CUL2: variants seen among roughly 807,000 people sequenced by gnomAD.
CUL2 encodes the protein cullin 2, also known as cullin-2.
A neutral mutation model predicts 110.2 loss-of-function variants in CUL2; 22 were observed. That is an observed-to-expected ratio of 0.20 (90% confidence interval 0.14 to 0.28). The LOEUF (loss-of-function observed/expected upper bound fraction) is 0.28, where lower values mean the gene tolerates loss of function less well. Among genes scored for constraint, CUL2 ranks in the 10% least tolerant of loss-of-function variants. The pLI is 1.00. For missense variants in CUL2, 631 were observed against 905.5 expected (o/e 0.70, Z 3.89); for synonymous variants, 279 against 293.2 (o/e 0.95, Z 0.49).
intron 2 of CUL2, among the ~76,000 whole-genome samples, chr10:35,069,801 C>T (rs2086634540): frequency 6.6e-6 from 1 of 152,108 alleles, no homozygotes. Context: ...ACTCCTCTTC[C>T]CTCTCTGCTC....
chr10:35,063,949 G>C (rs1246663179), intron 2 of CUL2: 1 of 152,100 alleles, frequency 6.6e-6, no homozygotes, highest in Non-Finnish European at 1.5e-5. Context: ...ACTGTGACAA[G>C]GCATTTTGGA....
chr10:35,103,767 A>G (rs916136759), intron 1 of CUL2, among the ~76,000 whole-genome samples: 1 of 152,100 alleles, frequency 6.6e-6, no homozygotes, highest in Non-Finnish European at 1.5e-5. Context: ...GCTGCTCAAA[A>G]TGTTTTCACC....
chr10:35,043,899 C>A (rs1463833444), intron 8 of CUL2, among the ~76,000 whole-genome samples: 2 of 151,746 alleles, frequency 1.3e-5, no homozygotes, highest in Non-Finnish European at 2.9e-5. Flanking sequence ...AAGACCCCAT[C>A]TCTATAACAA....
At chr10:35,018,993 A>G (rs2085118388) in intron 17 of CUL2, among the ~76,000 whole-genome samples, 1 of 152,224 alleles carries the variant, frequency 6.6e-6, no homozygotes, top group Non-Finnish European at 1.5e-5. Flanking sequence ...TCAATATCCA[A>G]TTCATAGAAA....
intron 10 of CUL2, 91 bp from the exon 11 acceptor site, chr10:35,033,364 C>T (rs567928236): frequency 4.7e-6 from 4 of 848,852 alleles, no homozygotes; most frequent in Non-Finnish European, 7.5e-6. Context: ...GTAAATTTTT[C>T]CTCAAGGAAA....
At chr10:35,085,469 G>A (rs2087038863) in intron 1 of CUL2, among the ~76,000 whole-genome samples, 1 of 151,746 alleles carries the variant, frequency 6.6e-6, no homozygotes, top group African/African-American at 2.4e-5. Flanking sequence ...AGGGCCAGGC[G>A]CGGTGTGGCT....
At chr10:35,118,781 GCT>G (rs2087638122) in intron 1 of CUL2, 1 of 152,232 alleles carries the variant, frequency 6.6e-6, no homozygotes, top group Non-Finnish European at 1.5e-5. Context: ...GGTTTGTGCT[GCT>G]CCACAAGAGT....
chr10:35,110,952 G>A (rs2087516933), intron 1 of CUL2, among the ~76,000 whole-genome samples: 2 of 152,318 alleles, frequency 1.3e-5, no homozygotes, highest in African/African-American at 4.8e-5. Context: ...CAGAAGTCAA[G>A]AATGGAAGTA....
At chr10:35,091,731 C>T (rs1252703105), upstream of CUL2, among the ~76,000 whole-genome samples, 1 of 152,122 alleles carries the variant, frequency 6.6e-6, no homozygotes, top group Non-Finnish European at 1.5e-5. Flanking sequence ...AGTGATTCTC[C>T]TGTCTCAGCT....
chr10:35,051,642 T>C (rs1000141789), intron 5 of CUL2, among the ~76,000 whole-genome samples: 1 of 152,118 alleles, frequency 6.6e-6, no homozygotes, highest in African/African-American at 2.4e-5. Context: ...AAAAATAGTG[T>C]CTCCTTGTGG....
chr10:35,049,256 T>C lies in CUL2; in HGVS notation c.506+427A>G, dbSNP rs140231917. Among the ~76,000 whole-genome samples, 3 of 152,270 alleles carry C rather than the reference T, an allele frequency of 2.0e-5. No homozygotes were observed. In the East Asian group the frequency reaches 5.8e-4, roughly 29 times the overall value. On this transcript the variant is annotated intron_variant, in intron 6 of 20. Transcript: ENST00000374749. ...TTATCTCACAGAATTAGGCAAGTTA[T>C]TGATTATAACACTGAGGCTAAGAGG...
At chr10:35,020,316 A>G (rs1220408384) in intron 17 of CUL2, among the ~76,000 whole-genome samples, 1 of 152,192 alleles carries the variant, frequency 6.6e-6, no homozygotes, top group East Asian at 1.9e-4. Context: ...ACAATTAGTG[A>G]CCTCTGACAG....
In CUL2 at chr10:35,008,772, T is replaced by C. The variant is rs916615605; in HGVS notation, c.*1539A>G. Reference sequence around the variant, plus strand: ...TTGAATAAACCAATTGTAAGACCCATCTCAAAACAACAAATTTAAATATGA... The same window carrying C: ...TTGAATAAACCAATTGTAAGACCCACCTCAAAACAACAAATTTAAATATGA... On this transcript the variant is annotated 3_prime_UTR_variant, in exon 21 of 21. Coordinates refer to ENST00000374749, the MANE Select transcript of CUL2 (RefSeq NM_003591.4). 1.6e-4 allele frequency: 24 copies of C among 152,166 alleles called. No individual in the cohort carries two copies. Among genetic ancestry groups the C allele is most frequent in the African/African-American group, 5.3e-4 (22 of 41,434 alleles). The allele number at this position is 152,166 out of a possible 1,614,324, so 9.4% of individuals were successfully genotyped here. A position where few individuals can be genotyped will look rare whatever the true frequency, so the allele number is the denominator to read the frequency against.
At chr10:35,099,463 A>G (rs1412287382) in intron 2 of CUL2, 1 of 152,012 alleles carries the variant, frequency 6.6e-6, no homozygotes, top group Non-Finnish European at 1.5e-5. Context: ...CATCAGTGTT[A>G]GAAGTAGAAA....
intron 6 of CUL2, among the ~76,000 whole-genome samples, chr10:35,048,618 A>C (rs1184384446): frequency 6.6e-6 from 1 of 152,142 alleles, no homozygotes; most frequent in African/African-American, 2.4e-5. Flanking sequence ...CTTTTAGTTC[A>C]CAGTTTTGTA....
chr10:35,036,029 AAC>A (rs1001314693), intron 9 of CUL2, among the ~76,000 whole-genome samples: 1 of 152,236 alleles, frequency 6.6e-6, no homozygotes, highest in African/African-American at 2.4e-5. Flanking sequence ...ATCACAAGTG[AAC>A]ACACAACACA....
chr10:35,073,408 C>G (rs1186571541), intron 1 of CUL2, among the ~76,000 whole-genome samples: 2 of 152,068 alleles, frequency 1.3e-5, no homozygotes, highest in Admixed American at 1.3e-4. Context: ...TCCATCCATA[C>G]TTGTATAGCC....
At chr10:35,099,749 A>G (rs555530878) in intron 2 of CUL2, 68 of 152,322 alleles carry the variant, frequency 4.5e-4, no homozygotes, top group African/African-American at 1.6e-3. Flanking sequence ...TCCACCCAAA[A>G]TAAAATAAAA....
intron 10 of CUL2, among the ~76,000 whole-genome samples, chr10:35,034,840 A>C (rs2085579454): frequency 6.6e-6 from 1 of 152,212 alleles, no homozygotes; most frequent in Non-Finnish European, 1.5e-5. Flanking sequence ...GATTAATACT[A>C]CTACCATGAC....
Sources: allele counts gnomAD v4.1 joint callset (sites outside exome capture counted in the v4.1 genomes callset), GRCh38; gene constraint gnomAD v4.1.1; transcripts MANE v1.5; gene names NCBI Gene and HGNC (gene_info 2026-07-23, HGNC 2026-07-21).